The following TNNT3 variants were observed in gnomAD, a reference collection of about 807,000 sequenced individuals.
TNNT3 encodes the protein troponin T, fast skeletal muscle.
A neutral mutation model predicts 54.2 loss-of-function variants in TNNT3; 36 were observed. The observed-to-expected ratio is 0.66, with a 90% CI of 0.51 to 0.88. The LOEUF is 0.88. Ranked by LOEUF, TNNT3 falls within the 40% of genes least tolerant of loss-of-function variation. The pLI is 0.00. For missense variants in TNNT3, 291 were observed against 331.6 expected (o/e 0.88, Z 0.95); for synonymous variants, 120 against 109.7 (o/e 1.09, Z -0.59).
rs200540491 is a variant in TNNT3, at chr11:1,938,578, C to T, written c.*86C>T. 819 of 1,410,032 alleles carry T rather than the reference C, an allele frequency of 5.8e-4. 6 individuals are homozygous for T. In the South Asian group the frequency reaches 9.5e-3, roughly 16 times the overall value. 87.3% of individuals were successfully genotyped at this position (1,410,032 alleles called of 1,614,324 possible). A position where few individuals can be genotyped will look rare whatever the true frequency, so the allele number is the denominator to read the frequency against. On this transcript the variant is annotated 3_prime_UTR_variant, in exon 16 of 16. Coordinates refer to ENST00000278317, the MANE Select transcript of TNNT3 (RefSeq NM_006757.4). The stretch of plus-strand genomic sequence containing the variant: ...CGTGGGACTCCACATCCTCCAGCCC[C>T]CACAATCCTGTCAGGGGCTCCCTGA...
At chr11:1,930,742 G>A (rs72846739) in intron 8 of TNNT3, among the ~76,000 whole-genome samples, 4,503 of 152,210 alleles carry the variant, frequency 0.03, 103 homozygotes, top group South Asian at 0.1. Context: ...TACAGCCGGC[G>A]TATTCCCACC....
intron 3 of TNNT3, among the ~76,000 whole-genome samples, chr11:1,923,306 C>G (rs1327660372): frequency 6.6e-6 from 1 of 152,138 alleles, no homozygotes; most frequent in Non-Finnish European, 1.5e-5. Context: ...TGTCTCTCTG[C>G]TTCTCTCATG....
intron 1 of TNNT3, among the ~76,000 whole-genome samples, chr11:1,920,065 G>A (rs1207641676): frequency 6.6e-6 from 1 of 152,190 alleles, no homozygotes; most frequent in Non-Finnish European, 1.5e-5. Flanking sequence ...TCAGTGCTAG[G>A]GAGTGGCCTG....
intron 1 of TNNT3, chr11:1,921,675 G>A (rs1850141788): frequency 6.6e-6 from 1 of 152,240 alleles, no homozygotes; most frequent in Admixed American, 6.5e-5. Flanking sequence ...TTGACAGAGG[G>A]TTTGGAAAAC....
chr11:1,925,292 ACTT>A lies in TNNT3; in HGVS notation c.67+180_67+182del, dbSNP rs1851242801. The A allele has an allele frequency of 1.9e-6, 3 of 1,593,696 alleles. No individual in the cohort carries two copies. In the African/African-American group the frequency reaches 4.0e-5, roughly 21 times the overall value. On this transcript the variant is annotated intron_variant, in intron 5 of 15. Coordinates refer to ENST00000278317, the MANE Select transcript of TNNT3 (RefSeq NM_006757.4). Reference sequence around the variant, plus strand: ...CATGAGGAAGGTATGAGGACACAGGACTTCTTGTCCCCATGTGGGGCCCGGGGC... The same window carrying A: ...CATGAGGAAGGTATGAGGACACAGGACTTGTCCCCATGTGGGGCCCGGGGC...
chr11:1,923,101 G>A, intron 3 of TNNT3, 40 bp downstream of exon 3: 1 of 1,613,578 alleles, frequency 6.2e-7, no homozygotes, highest in South Asian at 1.1e-5. Flanking sequence ...TCCTGCTCTA[G>A]AAGGAAGGCT....
At chr11:1,927,118 G>A (rs936842760) in intron 6 of TNNT3, among the ~76,000 whole-genome samples, 1 of 152,298 alleles carries the variant, frequency 6.6e-6, no homozygotes, top group Middle Eastern at 3.4e-3. Context: ...CAGTTAGCAA[G>A]CCAGAAGCGG....
At chr11:1,925,700 G>C (rs756317096) in intron 5 of TNNT3, among the ~76,000 whole-genome samples, 22 of 152,104 alleles carry the variant, frequency 1.4e-4, no homozygotes, top group Non-Finnish European at 2.5e-4. Flanking sequence ...AGTGAGGGGA[G>C]AGAAGGCGGC....
intron 9 of TNNT3, among the ~76,000 whole-genome samples, chr11:1,933,091 C>G (rs972063123): frequency 6.7e-6 from 1 of 148,990 alleles, no homozygotes; most frequent in African/African-American, 2.5e-5. Context: ...CATCCACTCA[C>G]TCACATAACC....
At chr11:1,936,609 G>T (rs575751749) in intron 14 of TNNT3, among the ~76,000 whole-genome samples, 129 of 152,350 alleles carry the variant, frequency 8.5e-4, no homozygotes, top group South Asian at 2.3e-3. Flanking sequence ...TGAGAAGGAG[G>T]GGTCCGCAGG....
chr11:1,923,563 G>A lies in TNNT3; in HGVS notation c.40G>A (p.Glu14Lys), dbSNP rs768888979. 30 of 1,613,354 alleles carry A rather than the reference G, an allele frequency of 1.9e-5. No individual in the cohort carries two copies. Among genetic ancestry groups the A allele is most frequent in the Non-Finnish European group, 2.3e-5 (27 of 1,179,868 alleles). Residue 14 changes from glutamate (E) to lysine (K), a missense_variant, in exon 4 of 16, where the codon GAA becomes AAA. Coordinates refer to ENST00000278317, the MANE Select transcript of TNNT3 (RefSeq NM_006757.4). ...GTTCTGTCCCAATGCAGAGCAGTAC[G>A]AAGAAGAAGGTAATTCTGGCAACCA... is the stretch of plus-strand genomic sequence containing the variant. ...EEVEQVEEQY[E>K]EEEEAQEEEE...
rs1329643389 is a variant in TNNT3 at position 1,934,446 on chromosome 11, G to A, written c.480+1G>A. 2 of 1,613,454 alleles carry A rather than the reference G, an allele frequency of 1.2e-6. No homozygotes were observed. The highest frequency in any genetic ancestry group is 2.2e-5 in the South Asian group (2 of 91,068). ...CAACTACAGCAGCTACCTGGCCAAGGTGTGTGCCGCTGCTGGGAGCACGGT... is the reference window on the plus strand; with the variant it reads ...CAACTACAGCAGCTACCTGGCCAAGATGTGTGCCGCTGCTGGGAGCACGGT... On this transcript the variant is annotated splice_donor_variant, in intron 12 of 15. Transcript: ENST00000278317. LOFTEE classifies it high-confidence loss of function.
intron 7 of TNNT3, among the ~76,000 whole-genome samples, 162 bp downstream of exon 7, chr11:1,929,305 C>T (rs1055421674): frequency 7.9e-5 from 12 of 152,212 alleles, no homozygotes; most frequent in Non-Finnish European, 1.8e-4. Context: ...CTTGCTGCTC[C>T]GCACGGTGCC....
At chr11:1,929,768 A>G in intron 7 of TNNT3, 42 bp from the exon 8 acceptor site, 1 of 1,551,450 alleles carries the variant, frequency 6.4e-7, no homozygotes, top group Non-Finnish European at 8.7e-7. Context: ...CCCTCTCCCC[A>G]CGCTGGTGTC....
chr11:1,929,050 C>T (rs754081249), intron 6 of TNNT3, 70 bp from the exon 7 acceptor site: 2 of 1,580,632 alleles, frequency 1.3e-6, no homozygotes, highest in East Asian at 2.2e-5. Flanking sequence ...AGGCCCCTTG[C>T]CCACTGCTCC....
Position 1,923,590 on chromosome 11 carries a change from C to A in TNNT3, c.49+18C>A. ...AGAAGAAGGTAATTCTGGCAACCAC[C>A]GGAAGCCCCCCCAGCCCCTCCTTGG... On this transcript the variant is annotated intron_variant, in intron 4 of 15. Coordinates refer to ENST00000278317, the MANE Select transcript of TNNT3 (RefSeq NM_006757.4). 1 of 1,612,896 alleles carries A rather than the reference C, an allele frequency of 6.2e-7. No individual in the cohort carries two copies. Among genetic ancestry groups the A allele is most frequent in the Non-Finnish European group, 8.5e-7 (1 of 1,179,118 alleles).
chr11:1,934,682 G>A (rs761702193), intron 13 of TNNT3, 27 bp downstream of exon 13: 2 of 1,606,858 alleles, frequency 1.2e-6, no homozygotes, highest in Non-Finnish European at 1.7e-6. Context: ...GTGGGGCTCA[G>A]CCCCACGGGG....
chr11:1,920,838 C>G (rs1373504205), intron 1 of TNNT3, among the ~76,000 whole-genome samples: 1 of 152,166 alleles, frequency 6.6e-6, no homozygotes, highest in Non-Finnish European at 1.5e-5. Flanking sequence ...CCAGCACACC[C>G]CTGCCACCAG....
intron 8 of TNNT3, among the ~76,000 whole-genome samples, chr11:1,930,679 C>T (rs2133392363): frequency 6.6e-6 from 1 of 152,334 alleles, no homozygotes; most frequent in South Asian, 2.1e-4. Flanking sequence ...TCACTGTTGG[C>T]TCCCACTTGG....
Sources: allele counts gnomAD v4.1 joint callset (sites outside exome capture counted in the v4.1 genomes callset), GRCh38; gene constraint gnomAD v4.1.1; transcripts MANE v1.5; gene names NCBI Gene and HGNC (gene_info 2026-07-23, HGNC 2026-07-21).